Variants in OSBPL10 observed in about 807,000 individuals in gnomAD.
OSBPL10 encodes oxysterol binding protein like 10, also known as oxysterol-binding protein-related protein 10.
In OSBPL10, 49 loss-of-function variants were observed where a neutral mutation model predicts 81.7. The ratio of observed to expected loss-of-function variants is 0.60; its 90% CI spans 0.48 to 0.76. The LOEUF (loss-of-function observed/expected upper bound fraction) is 0.76. OSBPL10 is among the 30% of genes least tolerant of loss of function. The pLI is 0.00. For synonymous variants in OSBPL10, 419 were observed against 383.6 expected (o/e 1.09, Z -1.08); for missense variants, 923 against 987.8 (o/e 0.93, Z 0.88).
intron 1 of OSBPL10, among the ~76,000 whole-genome samples, chr3:32,068,227 C>T (rs1699795457): frequency 6.6e-6 from 1 of 152,192 alleles, no homozygotes; most frequent in African/African-American, 2.4e-5. Flanking sequence ...CTCGGGAAGA[C>T]AGTCTTCCCT....
intron 2 of OSBPL10, among the ~76,000 whole-genome samples, chr3:32,021,812 A>G (rs1360713989): frequency 1.3e-5 from 2 of 151,776 alleles, no homozygotes; most frequent in African/African-American, 4.8e-5. Context: ...CCATCTCTAC[A>G]AAAAAATACC....
chr3:31,685,564 G>A (rs1272788071), intron 7 of OSBPL10, among the ~76,000 whole-genome samples: 1 of 152,170 alleles, frequency 6.6e-6, no homozygotes, highest in Admixed American at 6.5e-5. Context: ...GGACTCACAG[G>A]ATTTTGAAAC....
chr3:31,807,402 T>TAAA, intron 4 of OSBPL10, among the ~76,000 whole-genome samples: 1 of 150,688 alleles, frequency 6.6e-6, no homozygotes, highest in African/African-American at 2.4e-5. Context: ...AATAAATAAA[T>TAAA]AAGATTCACT....
chr3:31,982,486 C>T (rs2125510242), upstream of OSBPL10, among the ~76,000 whole-genome samples: 1 of 152,232 alleles, frequency 6.6e-6, no homozygotes, highest in African/African-American at 2.4e-5. Flanking sequence ...AAAGTCAGCT[C>T]TCAAAGGGAC....
intron 1 of OSBPL10, among the ~76,000 whole-genome samples, chr3:31,936,567 T>G (rs1222702354): frequency 6.6e-6 from 1 of 152,212 alleles, no homozygotes; most frequent in African/African-American, 2.4e-5. Flanking sequence ...AAAAGTAAAT[T>G]ACATTTTTCA....
intron 4 of OSBPL10, among the ~76,000 whole-genome samples, chr3:31,784,405 G>A (rs1698806296): frequency 6.6e-6 from 1 of 150,740 alleles, no homozygotes; most frequent in Non-Finnish European, 1.5e-5. Context: ...AAGGAAAAAG[G>A]AAAAGGAAAA....
chr3:31,748,282 T>G (rs1022483929), intron 4 of OSBPL10, among the ~76,000 whole-genome samples, 162 bp from the exon 5 acceptor site: 1 of 152,112 alleles, frequency 6.6e-6, no homozygotes, highest in Non-Finnish European at 1.5e-5. Context: ...CTGGGTGAAA[T>G]CTGTCAAGGC....
intron 4 of OSBPL10, among the ~76,000 whole-genome samples, chr3:31,764,474 G>T (rs1698142269): frequency 1.3e-5 from 2 of 152,184 alleles, no homozygotes; most frequent in South Asian, 4.1e-4. Flanking sequence ...TTAAAGGGAG[G>T]CAAAACAGGG....
At chr3:31,811,928 ATTTG>A (rs1699691482) in intron 4 of OSBPL10, among the ~76,000 whole-genome samples, 1 of 152,220 alleles carries the variant, frequency 6.6e-6, no homozygotes, top group Non-Finnish European at 1.5e-5. Flanking sequence ...TCAAAGTCTA[ATTTG>A]TTTAAAGAAA....
intron 2 of OSBPL10, chr3:32,030,681 G>C: frequency 9.7e-7 from 1 of 1,025,676 alleles, no homozygotes; most frequent in Non-Finnish European, 1.5e-6. Context: ...TGGCATAATA[G>C]GTGTTAAAAA....
At chr3:31,871,535 C>A (rs1316369555) in intron 3 of OSBPL10, among the ~76,000 whole-genome samples, 1 of 152,220 alleles carries the variant, frequency 6.6e-6, no homozygotes, top group Non-Finnish European at 1.5e-5. Context: ...TGTAACACCA[C>A]TTTTCCTATC....
chr3:31,715,304 T>C (rs1035338834), intron 6 of OSBPL10, among the ~76,000 whole-genome samples: 1 of 152,226 alleles, frequency 6.6e-6, no homozygotes, highest in African/African-American at 2.4e-5. Context: ...ACTTTCATCA[T>C]TGCAGCAAGT....
At chr3:32,069,819 A>G (rs975513342) in intron 1 of OSBPL10, among the ~76,000 whole-genome samples, 1 of 152,192 alleles carries the variant, frequency 6.6e-6, no homozygotes, top group African/African-American at 2.4e-5. Flanking sequence ...ACTTCAGAAC[A>G]TCAAAGCCAT....
chr3:31,892,673 G>GTCC, intron 1 of OSBPL10, among the ~76,000 whole-genome samples: 1 of 152,176 alleles, frequency 6.6e-6, no homozygotes, highest in Non-Finnish European at 1.5e-5. Flanking sequence ...ATGCTGACCG[G>GTCC]TAGTTCGACT....
In OSBPL10 at chr3:31,737,438, A is replaced by C. The variant is rs542193060; in HGVS notation, c.941-4027T>G. ...CAGGAAAGGTGTTTCCTCAGCACAT[A>C]AATATAGGACAAAGCACCCTCTATG... On this transcript the variant is annotated intron_variant, in intron 5 of 11. Transcript: ENST00000396556. Among the ~76,000 whole-genome samples, 11 of 152,352 alleles carry C rather than the reference A, an allele frequency of 7.2e-5. No individual in the cohort carries two copies. In the South Asian group the frequency reaches 1.4e-3, roughly 20 times the overall value.
intron 2 of OSBPL10, 99 bp downstream of exon 2, chr3:31,879,556 G>A (rs897072934): frequency 1.2e-5 from 15 of 1,296,808 alleles, no homozygotes; most frequent in Non-Finnish European, 1.5e-5. Flanking sequence ...ACAGCAAACT[G>A]TCAAAGGCAA....
rs1298265680 is a variant in OSBPL10, at chr3:31,780,710, GGAGA to G, written c.730-32594_730-32591del. On this transcript the variant is annotated intron_variant, in intron 4 of 11. Transcript: ENST00000396556. The stretch of plus-strand genomic sequence containing the variant: ...ATGTGCACAAACTAGAAAATCTAGA[GGAGA>G]TAGATAAATTCCTGGAAATATACAG... 3.3e-5 allele frequency among the ~76,000 whole-genome samples: 5 copies of G among 152,182 alleles called. No individual in the cohort carries two copies. In the South Asian group the frequency reaches 6.2e-4, roughly 19 times the overall value.
At chr3:32,049,416 C>T (rs550439774) in intron 1 of OSBPL10, among the ~76,000 whole-genome samples, 2 of 152,228 alleles carry the variant, frequency 1.3e-5, no homozygotes, top group South Asian at 2.1e-4. Flanking sequence ...TGGTAGGATA[C>T]ATTTTACCCA....
At chr3:31,762,766 G>A (rs1698089311) in intron 4 of OSBPL10, among the ~76,000 whole-genome samples, 1 of 151,236 alleles carries the variant, frequency 6.6e-6, no homozygotes, top group African/African-American at 2.4e-5. Flanking sequence ...ACTGCACCCA[G>A]CTCCTGATTA....
Sources: gnomAD v4.1 joint callset for allele counts (sites outside exome capture counted in the v4.1 genomes callset) on GRCh38, gnomAD v4.1.1 for gene constraint, MANE v1.5 for transcripts, NCBI Gene and HGNC (gene_info 2026-07-23, HGNC 2026-07-21) for gene names.